The following SPTBN2 variants were observed in gnomAD, a reference collection of about 807,000 sequenced individuals.
SPTBN2 encodes the protein spectrin beta, non-erythrocytic 2.
Under a neutral mutation model 284.2 loss-of-function variants are expected in SPTBN2, and 107 were observed. The ratio of observed to expected loss-of-function variants is 0.38; its 90% CI spans 0.32 to 0.44. The LOEUF (loss-of-function observed/expected upper bound fraction) is 0.44. Among genes scored for constraint, SPTBN2 ranks in the 20% least tolerant of loss-of-function variants. The pLI, the probability that SPTBN2 is intolerant of heterozygous loss-of-function variation, is 1.00. For missense variants in SPTBN2, 2,569 were observed against 3,287.1 expected (o/e 0.78, Z 5.34); for synonymous variants, 1,289 against 1,354.8 (o/e 0.95, Z 1.07).
In SPTBN2 at chr11:66,684,437, C is replaced by T. The variant is rs1357424403; in HGVS notation, c.*1434G>A. Reference sequence around the variant, plus strand: ...TCACTTGGGCCCAGGAATTCGAGACCGACCTGGGCAACATAGTGAGACCCC... The same window carrying T: ...TCACTTGGGCCCAGGAATTCGAGACTGACCTGGGCAACATAGTGAGACCCC... On this transcript the variant is annotated 3_prime_UTR_variant, in exon 38 of 38. Coordinates refer to ENST00000533211, the MANE Select transcript of SPTBN2 (RefSeq NM_006946.4). 2.6e-5 allele frequency among the ~76,000 whole-genome samples: 4 copies of T among 152,060 alleles called. No homozygotes were observed. In the East Asian group the frequency reaches 5.8e-4, roughly 22 times the overall value.
intron 26 of SPTBN2, among the ~76,000 whole-genome samples, chr11:66,692,206 G>A (rs1473401293): frequency 6.6e-6 from 1 of 152,080 alleles, no homozygotes. Flanking sequence ...AAGTAGTTGG[G>A]CCTACAGGCA....
rs1211366948 is a variant in SPTBN2 at position 66,686,342 on chromosome 11, G to A, written c.6939+56C>T. ...GAGGACAGGGAAAGAAGGGGAGTCT[G>A]CAGCTGGAAGCTTCTGGAATGGCAC... On this transcript the variant is annotated intron_variant, in intron 37 of 37. Transcript: ENST00000533211. 1.9e-6 allele frequency: 3 copies of A among 1,604,534 alleles called. No homozygotes were observed. In the African/African-American group the frequency reaches 4.0e-5, roughly 21 times the overall value.
chr11:66,722,026 T>C (rs1466457616), intron 1 of SPTBN2, among the ~76,000 whole-genome samples: 1 of 151,156 alleles, frequency 6.6e-6, no homozygotes, highest in Non-Finnish European at 1.5e-5. Flanking sequence ...GATTCTGCTC[T>C]TGAGTTAAGA....
chr11:66,694,084 G>A (rs1940748647), intron 22 of SPTBN2, 55 bp downstream of exon 22: 14 of 1,586,430 alleles, frequency 8.8e-6, no homozygotes, highest in Non-Finnish European at 2.6e-6. Context: ...CAGGAGGGAG[G>A]CTGGAGAACC....
intron 36 of SPTBN2, 133 bp from the exon 37 acceptor site, chr11:66,686,573 G>T: frequency 1.0e-6 from 1 of 958,192 alleles, no homozygotes; most frequent in South Asian, 1.3e-5. Flanking sequence ...GACCAGACAC[G>T]CTCTGCACAT....
chr11:66,721,893 A>G (rs768077986), intron 1 of SPTBN2, among the ~76,000 whole-genome samples: 17 of 152,106 alleles, frequency 1.1e-4, no homozygotes, highest in Non-Finnish European at 1.6e-4. Flanking sequence ...TAAAAATACA[A>G]AAAATTAGCT....
At chr11:66,704,036 G>C (rs1182916753) in intron 15 of SPTBN2, among the ~76,000 whole-genome samples, 2 of 142,562 alleles carry the variant, frequency 1.4e-5, no homozygotes, top group South Asian at 4.6e-4. Context: ...GCAGTGGCAC[G>C]ATCTCGGCTC....
chr11:66,714,442 G>C (rs748722498), intron 5 of SPTBN2, 35 bp from the exon 6 acceptor site: 1 of 1,534,612 alleles, frequency 6.5e-7, no homozygotes, highest in South Asian at 1.1e-5. Context: ...TCAGTCCCTG[G>C]ACAGGAACTC....
intron 20 of SPTBN2, 144 bp downstream of exon 20, chr11:66,698,495 C>A: frequency 8.1e-7 from 1 of 1,231,482 alleles, no homozygotes; most frequent in Non-Finnish European, 1.2e-6. Flanking sequence ...CGTTTGTTTC[C>A]CAGAGGCCAT....
At chr11:66,697,508 G>A (rs1482712411) in intron 20 of SPTBN2, among the ~76,000 whole-genome samples, 1 of 152,144 alleles carries the variant, frequency 6.6e-6, no homozygotes, top group Admixed American at 6.5e-5. Context: ...CTGTGCTGCT[G>A]CTGGACTCAC....
intron 21 of SPTBN2, among the ~76,000 whole-genome samples, chr11:66,695,502 C>T (rs1007970451): frequency 6.6e-6 from 1 of 152,076 alleles, no homozygotes. Flanking sequence ...TCAAGTGATC[C>T]GGCCACCTCG....
intron 3 of SPTBN2, among the ~76,000 whole-genome samples, chr11:66,720,431 TC>T (rs1454612181): frequency 2.0e-5 from 3 of 151,936 alleles, no homozygotes; most frequent in African/African-American, 7.3e-5. Context: ...TGACAACTCC[TC>T]CCCCGGAAGA....
Position 66,690,132 on chromosome 11 carries a change from G to T in SPTBN2, c.5717C>A (p.Thr1906Asn), listed in dbSNP as rs1347809906. ...SAARRQLLLDTTDKFRFFKAV... is the reference protein window; with the variant it reads ...SAARRQLLLDNTDKFRFFKAV... ...CTTGAAGAAGCGGAACTTGTCTGTG[G>T]TGTCCAGCAGCAGCTGCCGGCGGGC... Residue 1906 changes from threonine (T) to asparagine (N), a missense_variant, in exon 28 of 38, where the codon ACC (threonine) becomes AAC (asparagine). Transcript: ENST00000533211. 1 of 1,614,104 alleles carries T rather than the reference G, an allele frequency of 6.2e-7. No homozygotes were observed. Among genetic ancestry groups the T allele is most frequent in the Non-Finnish European group, 8.5e-7 (1 of 1,180,058 alleles).
At chr11:66,690,504 C>G (rs1433103176) in intron 27 of SPTBN2, 2 of 624,086 alleles carry the variant, frequency 3.2e-6, no homozygotes, top group Non-Finnish European at 5.5e-6. Context: ...GGGGGAGGAT[C>G]TGGAAAAGAG....
chr11:66,741,636 A>G (rs1025925707), intron 1 of SPTBN2, among the ~76,000 whole-genome samples: 2 of 152,096 alleles, frequency 1.3e-5, no homozygotes, highest in Admixed American at 1.3e-4. Flanking sequence ...AAATATCGAG[A>G]GCCATACTCA....
chr11:66,703,972 C>CTTTTTTTTTT (rs11286358), intron 15 of SPTBN2, among the ~76,000 whole-genome samples: 1 of 109,726 alleles, frequency 9.1e-6, no homozygotes, highest in Non-Finnish European at 1.9e-5. Flanking sequence ...TATTTCTTTT[C>CTTTTTTTTTT]TTTTTTTTTT....
Position 66,700,998 on chromosome 11 carries a change from A to G in SPTBN2, c.3101T>C (p.Val1034Ala), listed in dbSNP as rs506028. ...CTCTCTCAGCCGGGCGTTGATGGCC[A>G]CTGCCTGAGCGGGATGGCCGGCAGC... is the stretch of plus-strand genomic sequence containing the variant. ...ALAAGHPAQAVAINARLREVQ... is the reference protein window; with the variant it reads ...ALAAGHPAQAAAINARLREVQ... Residue 1034 changes from valine (V) to alanine (A), a missense_variant, in exon 17 of 38, where the codon GTG (valine) becomes GCG (alanine). By Grantham distance (64) the Val-to-Ala change is moderately conservative. This residue lies in a region of SPTBN2 where 1,012 missense variants were observed against 1,248.9 expected (regional missense o/e 0.81). Transcript: ENST00000533211. This position sits in a 1 kb window ranked among gnomAD's most constrained non-coding sequence, Gnocchi z 6.6. 172,192 of 1,607,566 alleles carry G rather than the reference A, an allele frequency of 0.11. 11,348 individuals carry two copies. Among genetic ancestry groups the G allele is most frequent in the African/African-American group, 0.28 (20,673 of 74,994 alleles).
In SPTBN2 at chr11:66,718,461, G is replaced by A. The variant is rs1345195444; in HGVS notation, c.158-2480C>T. ...GCCTCACCTTGCAGCTGTTTGAAGC[G>A]TCCTTCCAGCACGCTGGCATACTGA... On this transcript the variant is annotated intron_variant, in intron 3 of 37. Transcript: ENST00000533211. The surrounding 1 kb of genome is among the most constrained non-coding windows in gnomAD (Gnocchi z 4.8). 4.6e-5 allele frequency among the ~76,000 whole-genome samples: 7 copies of A among 152,074 alleles called. No homozygotes were observed. The highest frequency in any genetic ancestry group is 3.9e-4 in the Admixed American group (6 of 15,256).
At chr11:66,692,264 G>A (rs1218261323) in intron 26 of SPTBN2, among the ~76,000 whole-genome samples, 2 of 151,256 alleles carry the variant, frequency 1.3e-5, no homozygotes, top group Non-Finnish European at 2.9e-5. Context: ...TTGTAGAGAT[G>A]GGGGGTCTCA....
Sources: gnomAD v4.1 joint callset for allele counts (sites outside exome capture counted in the v4.1 genomes callset) on GRCh38, gnomAD v4.1.1 for gene constraint, gnomAD v4.1.1 regional missense constraint, Gnocchi (gnomAD v3.1) non-coding constraint, MANE v1.5 for transcripts, NCBI Gene and HGNC (gene_info 2026-07-23, HGNC 2026-07-21) for gene names.